Variants in CDK14 observed in about 807,000 individuals in gnomAD.
CDK14 encodes cyclin-dependent kinase 14.
Under a neutral mutation model 60.7 loss-of-function variants are expected in CDK14, and 34 were observed. The observed-to-expected ratio is 0.56, with a 90% CI of 0.43 to 0.75. The LOEUF is 0.75. Among genes scored for constraint, CDK14 ranks in the 30% least tolerant of loss-of-function variants. The pLI is 0.00. For missense variants in CDK14, 482 were observed against 564.1 expected (o/e 0.85, Z 1.47); for synonymous variants, 197 against 203.7 (o/e 0.97, Z 0.28).
At chr7:91,096,052 TACC>T (rs1416399896) in intron 12 of CDK14, among the ~76,000 whole-genome samples, 1 of 98,230 alleles carries the variant, frequency 1.0e-5, no homozygotes, top group East Asian at 3.2e-4. Context: ...TTATCTATAT[TACC>T]ACAATTTGCC....
chr7:91,003,233 G>C (rs910548846), intron 10 of CDK14, among the ~76,000 whole-genome samples: 1 of 152,126 alleles, frequency 6.6e-6, no homozygotes, highest in Non-Finnish European at 1.5e-5. Flanking sequence ...TGCATCAGAT[G>C]TATCAGCTAG....
chr7:91,182,316 G>GT (rs1240058335), intron 14 of CDK14, among the ~76,000 whole-genome samples: 1 of 151,918 alleles, frequency 6.6e-6, no homozygotes, highest in Non-Finnish European at 1.5e-5. Context: ...AAATTGCTAT[G>GT]TTTTCAAATC....
At chr7:91,086,345 T>C (rs1038322830) in intron 12 of CDK14, among the ~76,000 whole-genome samples, 1 of 152,190 alleles carries the variant, frequency 6.6e-6, no homozygotes, top group Non-Finnish European at 1.5e-5. Flanking sequence ...AGCCACGCTG[T>C]TCCCTCCTGA....
chr7:91,091,378 A>G (rs1024361577), intron 12 of CDK14, among the ~76,000 whole-genome samples: 2 of 144,526 alleles, frequency 1.4e-5, no homozygotes, highest in African/African-American at 5.1e-5. Flanking sequence ...ATATACATAT[A>G]TAATTTATAT....
intron 8 of CDK14, among the ~76,000 whole-genome samples, chr7:90,949,845 C>T (rs1794203390): frequency 2.6e-5 from 4 of 152,242 alleles, no homozygotes; most frequent in Non-Finnish European, 4.4e-5. Context: ...CCACCTTAAA[C>T]AACACCATAG....
At chr7:90,976,355 C>G (rs563064819) in intron 9 of CDK14, among the ~76,000 whole-genome samples, 1 of 151,814 alleles carries the variant, frequency 6.6e-6, no homozygotes, top group Non-Finnish European at 1.5e-5. Flanking sequence ...TTTGTCCCCC[C>G]GCTTTTTTTT....
chr7:90,709,902 G>C (rs1333930328), intron 2 of CDK14: 2 of 1,251,800 alleles, frequency 1.6e-6, no homozygotes, highest in East Asian at 7.9e-5. Flanking sequence ...CACATTGCTA[G>C]AGACATGTTA....
chr7:91,153,164 C>T (rs1469269499), intron 14 of CDK14, among the ~76,000 whole-genome samples: 2 of 152,230 alleles, frequency 1.3e-5, no homozygotes, highest in African/African-American at 4.8e-5. Flanking sequence ...TAACAAGAAG[C>T]CCTAGACTCA....
intron 12 of CDK14, among the ~76,000 whole-genome samples, chr7:91,103,396 C>T (rs1297873806): frequency 6.6e-6 from 1 of 152,170 alleles, no homozygotes; most frequent in Non-Finnish European, 1.5e-5. Context: ...ACTCTCTAGT[C>T]TGGCAGAGGA....
At position 91,024,616 on chromosome 7, in the gene CDK14, A is replaced by G. The variant is rs1796522852; in HGVS notation, c.1042-21281A>G. 2.0e-5 allele frequency among the ~76,000 whole-genome samples: 3 copies of G among 152,312 alleles called. No individual in the cohort carries two copies. The South Asian group carries it at 6.2e-4, about 32-fold the overall frequency. ...CAGTGAGCCGAGATTGTGCCACTGC[A>G]CTCCAGCCTGGGTTATAGAGTGAGA... On this transcript the variant is annotated intron_variant, in intron 10 of 14. Coordinates refer to ENST00000380050, the MANE Select transcript of CDK14 (RefSeq NM_001287135.2).
intron 2 of CDK14, among the ~76,000 whole-genome samples, chr7:90,685,486 T>C (rs1204761382): frequency 1.3e-5 from 2 of 152,036 alleles, no homozygotes; most frequent in African/African-American, 4.8e-5. Flanking sequence ...TAATTTATTA[T>C]ATTTCTTTAG....
intron 5 of CDK14, among the ~76,000 whole-genome samples, chr7:90,805,688 TTAAGA>T (rs1483786050): frequency 1.3e-5 from 2 of 152,096 alleles, no homozygotes; most frequent in African/African-American, 4.8e-5. Flanking sequence ...TCTCGTATTG[TTAAGA>T]TGACACCTCA....
At chr7:90,608,839 T>TA (rs931557650) in intron 2 of CDK14, among the ~76,000 whole-genome samples, 20 of 151,852 alleles carry the variant, frequency 1.3e-4, no homozygotes, top group African/African-American at 4.4e-4. Flanking sequence ...CGTATAAAAT[T>TA]AAAAAAAATT....
intron 10 of CDK14, among the ~76,000 whole-genome samples, chr7:91,035,868 G>A (rs1240253486): frequency 8.7e-6 from 1 of 114,914 alleles, no homozygotes; most frequent in South Asian, 3.0e-4. Context: ...ACGGAGTCTC[G>A]CTCTGTCGCC....
chr7:91,168,189 G>A (rs1466806867), intron 14 of CDK14, among the ~76,000 whole-genome samples: 9 of 151,234 alleles, frequency 6.0e-5, no homozygotes, highest in Non-Finnish European at 1.0e-4. Context: ...TTGAACCCGG[G>A]AGGCGGAGGT....
chr7:90,989,180 G>A (rs544876714), intron 10 of CDK14, among the ~76,000 whole-genome samples: 2 of 152,180 alleles, frequency 1.3e-5, no homozygotes, highest in African/African-American at 4.8e-5. Flanking sequence ...ACATGGCTCC[G>A]ATTCCAGGGT....
chr7:91,147,322 C>A (rs1800684860), intron 14 of CDK14, among the ~76,000 whole-genome samples: 1 of 151,416 alleles, frequency 6.6e-6, no homozygotes, highest in Admixed American at 6.6e-5. Context: ...AGATAATTTT[C>A]AATATTAGAA....
intron 9 of CDK14, among the ~76,000 whole-genome samples, chr7:90,963,801 C>T (rs974863418): frequency 4.2e-5 from 6 of 142,788 alleles, no homozygotes; most frequent in Non-Finnish European, 6.0e-5. Context: ...CTGCAACCTT[C>T]GTCTCCCGGG....
chr7:90,643,704 C>G (rs767287241), intron 2 of CDK14, among the ~76,000 whole-genome samples: 1 of 152,198 alleles, frequency 6.6e-6, no homozygotes, highest in Non-Finnish European at 1.5e-5. Context: ...GACAGCTTCT[C>G]TTTATTTACT....
Sources: gnomAD v4.1 joint callset for allele counts (sites outside exome capture counted in the v4.1 genomes callset) on GRCh38, gnomAD v4.1.1 for gene constraint, MANE v1.5 for transcripts, NCBI Gene and HGNC (gene_info 2026-07-23, HGNC 2026-07-21) for gene names.